Variants in FER1L6 observed in about 807,000 individuals in gnomAD.
FER1L6 encodes the protein fer-1 like family member 6, also known as fer-1-like protein 6.
A neutral mutation model predicts 219.2 loss-of-function variants in FER1L6; 177 were observed. That is an observed-to-expected ratio of 0.81 (90% CI 0.71 to 0.91). FER1L6 has a LOEUF of 0.91. Ranked by LOEUF, FER1L6 falls within the 40% of genes least tolerant of loss-of-function variation. The pLI is 0.00. For missense variants in FER1L6, 2,153 were observed against 2,259.9 expected (o/e 0.95, Z 0.96); for synonymous variants, 768 against 824.3 (o/e 0.93, Z 1.17).
intron 33 of FER1L6, among the ~76,000 whole-genome samples, chr8:124,085,667 A>C (rs564643371): frequency 6.2e-4 from 94 of 152,280 alleles, no homozygotes; most frequent in African/African-American, 2.1e-3. Flanking sequence ...AGAATGTTCC[A>C]TGTGCTAAGG....
At chr8:123,854,817 C>T (rs930687627) in intron 1 of FER1L6, among the ~76,000 whole-genome samples, 2 of 152,154 alleles carry the variant, frequency 1.3e-5, no homozygotes, top group Non-Finnish European at 2.9e-5. Context: ...GAAAGCCAAT[C>T]TCTCCAGGCT....
intron 1 of FER1L6, among the ~76,000 whole-genome samples, chr8:123,880,402 A>G (rs1817088429): frequency 6.6e-6 from 1 of 152,152 alleles, no homozygotes; most frequent in South Asian, 2.1e-4. Flanking sequence ...CTTCAAGTCC[A>G]GTTTATTCAG....
intron 34 of FER1L6, among the ~76,000 whole-genome samples, chr8:124,093,115 C>T (rs746626965): frequency 6.6e-6 from 1 of 152,140 alleles, no homozygotes; most frequent in African/African-American, 2.4e-5. Context: ...TGAGCCACCA[C>T]GCCTGGCAGT....
At chr8:123,903,315 C>T (rs1812892039) in intron 1 of FER1L6, among the ~76,000 whole-genome samples, 1 of 152,150 alleles carries the variant, frequency 6.6e-6, no homozygotes, top group African/African-American at 2.4e-5. Flanking sequence ...AGTGGTATTT[C>T]CATTTACAAA....
At chr8:124,075,664 CA>C (rs1268868218) in intron 31 of FER1L6, among the ~76,000 whole-genome samples, 1 of 152,124 alleles carries the variant, frequency 6.6e-6, no homozygotes, top group Non-Finnish European at 1.5e-5. Context: ...ACTGTTAGCA[CA>C]GTAGGTTTGT....
In FER1L6 at chr8:124,064,569, C is replaced by T. The variant is rs772016645; in HGVS notation, c.3551C>T (p.Pro1184Leu). Residue 1184 changes from proline (P) to leucine (L), a missense_variant, in exon 26 of 41, where the codon CCT becomes CTT. By Grantham distance (98) the Pro-to-Leu change is moderately conservative (BLOSUM62 -3). Transcript: ENST00000522917. ...VAQEPPKDGK[P>L]KDPRKPSRRS... ...CAGGAGCCACCAAAAGATGGAAAAC[C>T]TAAGGTCAGACTAAAATCCCTCTCT... is the stretch of plus-strand genomic sequence containing the variant. 2.0e-5 allele frequency: 32 copies of T among 1,610,386 alleles called. No homozygotes were observed. Among genetic ancestry groups the T allele is most frequent in the Non-Finnish European group, 2.5e-5 (30 of 1,179,130 alleles).
rs529914831 is a variant in FER1L6, at chr8:124,019,392, C to G, written c.2013+1674C>G. 3.3e-5 allele frequency among the ~76,000 whole-genome samples: 5 copies of G among 152,330 alleles called. No individual in the cohort carries two copies. The South Asian group carries it at 6.2e-4, about 19-fold the overall frequency. The stretch of plus-strand genomic sequence containing the variant: ...CTGTCTAGCACCACAGTGCTTCATA[C>G]ATTTTAATTATGTGCATGTATTGTT... On this transcript the variant is annotated intron_variant, in intron 16 of 40. Coordinates refer to ENST00000522917, the MANE Select transcript of FER1L6 (RefSeq NM_001039112.2).
At chr8:124,024,366 T>G (rs1426040400) in intron 18 of FER1L6, among the ~76,000 whole-genome samples, 1 of 143,986 alleles carries the variant, frequency 6.9e-6, no homozygotes, top group Non-Finnish European at 1.5e-5. Flanking sequence ...CCCTCCCCCT[T>G]TCTGAGTTTT....
In FER1L6 at chr8:123,853,797, G is replaced by A. The variant is rs996592484; in HGVS notation, c.-8+1612G>A. Among the ~76,000 whole-genome samples the A allele has an allele frequency of 2.6e-5, 4 of 152,208 alleles. No homozygotes were observed. The highest frequency in any genetic ancestry group is 4.4e-5 in the Non-Finnish European group (3 of 68,048). On this transcript the variant is annotated intron_variant, in intron 1 of 40. Coordinates refer to ENST00000522917, the MANE Select transcript of FER1L6 (RefSeq NM_001039112.2). The surrounding 1 kb of genome is among the most constrained non-coding windows in gnomAD (Gnocchi z 6.6). ...AAGCACAGAGGCTGGTTTTCACTGA[G>A]AACGATGTAAGAAGGAACAACATCG...
chr8:123,997,882 A>C (rs1817208097), intron 12 of FER1L6, among the ~76,000 whole-genome samples: 1 of 151,954 alleles, frequency 6.6e-6, no homozygotes, highest in Admixed American at 6.6e-5. Context: ...CTCTTTGTTA[A>C]ATTTGTCTGG....
intron 1 of FER1L6, among the ~76,000 whole-genome samples, chr8:123,951,109 T>G (rs1814739895): frequency 6.6e-6 from 1 of 152,238 alleles, no homozygotes; most frequent in African/African-American, 2.4e-5. Context: ...TTCCTTTAGA[T>G]TTCTCTTTGA....
At chr8:124,095,421 C>T (rs192365822) in intron 35 of FER1L6, among the ~76,000 whole-genome samples, 135 of 152,278 alleles carry the variant, frequency 8.9e-4, no homozygotes, top group African/African-American at 3.1e-3. Context: ...TGGGTATGCC[C>T]AGGACTTTGT....
At chr8:123,994,230 A>G (rs546405378) in intron 12 of FER1L6, among the ~76,000 whole-genome samples, 5 of 152,180 alleles carry the variant, frequency 3.3e-5, no homozygotes, top group African/African-American at 9.6e-5. Context: ...AGAGCTTCCA[A>G]ATTTTGTCCT....
chr8:124,097,640 C>T, intron 36 of FER1L6, 145 bp from the exon 37 acceptor site: 1 of 616,052 alleles, frequency 1.6e-6, no homozygotes, highest in Non-Finnish European at 2.9e-6. Flanking sequence ...TTGGTTCTGA[C>T]AGAACCAAGC....
intron 17 of FER1L6, 125 bp from the exon 18 acceptor site, chr8:124,023,319 G>C: frequency 2.2e-6 from 2 of 929,354 alleles, no homozygotes; most frequent in Non-Finnish European, 3.3e-6. Context: ...GATGGTGTCA[G>C]TCACAGCATT....
chr8:123,911,437 T>C (rs1036089393), intron 1 of FER1L6, among the ~76,000 whole-genome samples: 1 of 152,202 alleles, frequency 6.6e-6, no homozygotes, highest in Non-Finnish European at 1.5e-5. Flanking sequence ...CATTCACTGT[T>C]TCAAATTCTC....
In FER1L6 at chr8:123,852,524, CAG is replaced by C. The variant is rs1256201889; in HGVS notation, c.-8+342_-8+343del. On this transcript the variant is annotated intron_variant, in intron 1 of 40. Transcript: ENST00000522917. The surrounding 1 kb of genome is among the most constrained non-coding windows in gnomAD (Gnocchi z 4.9). ...TGTGTGTGTGTGTGTTTGACAGAGA[CAG>C]AGGGAGGAGAAAGAAGAGAGACTGG... 1.4e-5 allele frequency among the ~76,000 whole-genome samples: 2 copies of C among 139,728 alleles called. No homozygotes were observed. The highest frequency in any genetic ancestry group is 3.1e-5 in the Non-Finnish European group (2 of 63,678). The allele number at this position is 139,728 out of a possible 152,430, so 91.7% of individuals were successfully genotyped here. A position where few individuals can be genotyped will look rare whatever the true frequency, so the allele number is the denominator to read the frequency against.
At chr8:123,967,943 A>G (rs1815632761) in intron 5 of FER1L6, among the ~76,000 whole-genome samples, 1 of 152,090 alleles carries the variant, frequency 6.6e-6, no homozygotes, top group Admixed American at 6.5e-5. Flanking sequence ...GCAACAAAGC[A>G]AGACGTTGTC....
chr8:123,857,791 TCTC>T (rs1816674479), intron 1 of FER1L6, among the ~76,000 whole-genome samples: 1 of 152,156 alleles, frequency 6.6e-6, no homozygotes, highest in Admixed American at 6.5e-5. Flanking sequence ...CACTGCCCTC[TCTC>T]CTCTTCCTGA....
Sources: allele counts gnomAD v4.1 joint callset (sites outside exome capture counted in the v4.1 genomes callset), GRCh38; gene constraint gnomAD v4.1.1; non-coding constraint Gnocchi (gnomAD v3.1); transcripts MANE v1.5; gene names NCBI Gene and HGNC (gene_info 2026-07-23, HGNC 2026-07-21).